Variants in ABCD3 observed in about 807,000 individuals in gnomAD.
ABCD3 encodes the protein ATP binding cassette subfamily D member 3.
ABCD3 carries 41 observed loss-of-function variants against 105.5 expected under a neutral mutation model. That is an observed-to-expected ratio of 0.39 (90% CI 0.30 to 0.50). The LOEUF is 0.50. Among genes scored for constraint, ABCD3 ranks in the 20% least tolerant of loss-of-function variants. The probability of loss-of-function intolerance (pLI) is 0.84; values close to 1 mark genes in which losing one functional copy is unlikely to be tolerated. For missense variants in ABCD3, 622 were observed against 806.3 expected (o/e 0.77, Z 2.77); for synonymous variants, 258 against 269.0 (o/e 0.96, Z 0.40).
At chr1:94,426,583 C>G (rs1251935081) in intron 1 of ABCD3, among the ~76,000 whole-genome samples, 2 of 151,600 alleles carry the variant, frequency 1.3e-5, no homozygotes, top group Admixed American at 1.3e-4. Context: ...TGCTCTGTCA[C>G]CCAGGCTGGA....
At chr1:94,443,202 T>C (rs1162781801) in intron 1 of ABCD3, among the ~76,000 whole-genome samples, 1 of 152,228 alleles carries the variant, frequency 6.6e-6, no homozygotes, top group East Asian at 1.9e-4. Context: ...TTAGTTTGCA[T>C]TTCTCTGATG....
chr1:94,501,875 C>CT (rs4148064), intron 20 of ABCD3, among the ~76,000 whole-genome samples: 56,813 of 146,784 alleles, frequency 0.39, 11,967 homozygotes, highest in Middle Eastern at 0.55. Flanking sequence ...TTTTGTAAAT[C>CT]TTTTTTTTTT....
Position 94,475,215 on chromosome 1 carries a change from A to G in ABCD3, c.478A>G (p.Lys160Glu). Residue 160 changes from lysine (K) to glutamate (E), a missense_variant, in exon 6 of 23, where the codon AAA (lysine) becomes GAA (glutamate). By Grantham distance (56) the Lys-to-Glu change is moderately conservative. Coordinates refer to ENST00000370214, the MANE Select transcript of ABCD3 (RefSeq NM_002858.4). ...LKLCFRVRLT[K>E]YLYEEYLQAF... ...ACTGTGCTTCCGAGTAAGGCTCACT[A>G]AATACCTCTATGAGGAGTATCTTCA... 1 of 1,599,502 alleles carries G rather than the reference A, an allele frequency of 6.3e-7. No homozygotes were observed. Among genetic ancestry groups the G allele is most frequent in the Non-Finnish European group, 8.5e-7 (1 of 1,170,900 alleles).
At chr1:94,416,740 C>T (rs956326193), upstream of ABCD3, among the ~76,000 whole-genome samples, 10 of 152,188 alleles carry the variant, frequency 6.6e-5, no homozygotes, top group African/African-American at 1.9e-4. Flanking sequence ...GTTTTCCCTC[C>T]CCCTTTTTCT....
intron 21 of ABCD3, among the ~76,000 whole-genome samples, chr1:94,511,510 C>T (rs940606411): frequency 1.3e-5 from 2 of 152,054 alleles, no homozygotes; most frequent in Admixed American, 6.6e-5. Context: ...GTGGTGTTCT[C>T]TGTATTTCCT....
intron 4 of ABCD3, among the ~76,000 whole-genome samples, chr1:94,469,015 T>A (rs1345891946): frequency 2.6e-5 from 4 of 152,210 alleles, no homozygotes; most frequent in Non-Finnish European, 4.4e-5. Context: ...ATCAAAGTAA[T>A]ATATGAATGT....
intron 1 of ABCD3, among the ~76,000 whole-genome samples, chr1:94,426,841 A>G (rs1313714897): frequency 7.7e-6 from 1 of 130,120 alleles, no homozygotes; most frequent in East Asian, 2.2e-4. Flanking sequence ...TACCGCGCCC[A>G]GCCTGAATTT....
chr1:94,397,064 T>C, the ABCD3 span, among the ~76,000 whole-genome samples: 1 of 152,246 alleles, frequency 6.6e-6, no homozygotes, highest in African/African-American at 2.4e-5. Flanking sequence ...TTAGACACTT[T>C]TTTTTATTGT....
intron 20 of ABCD3, among the ~76,000 whole-genome samples, chr1:94,502,497 G>GTT (rs34232258): frequency 5.3e-5 from 7 of 131,102 alleles, no homozygotes; most frequent in East Asian, 2.1e-4. Flanking sequence ...TGCCCCCCTA[G>GTT]TTTTTTTTTT....
the ABCD3 span, among the ~76,000 whole-genome samples, chr1:94,398,647 C>A: frequency 6.6e-6 from 1 of 152,198 alleles, no homozygotes; most frequent in East Asian, 1.9e-4. Context: ...GGCACAGTGG[C>A]TCACGCCTGT....
chr1:94,437,599 G>A (rs1659953905), intron 1 of ABCD3, among the ~76,000 whole-genome samples: 1 of 152,226 alleles, frequency 6.6e-6, no homozygotes, highest in South Asian at 2.1e-4. Context: ...TGTACAAGGA[G>A]ATTAATGTTG....
At chr1:94,419,128 TCTATGAAA>T (rs1659150365) in intron 1 of ABCD3, among the ~76,000 whole-genome samples, 1 of 152,192 alleles carries the variant, frequency 6.6e-6, no homozygotes, top group Non-Finnish European at 1.5e-5. Context: ...GAGGGTGGCT[TCTATGAAA>T]CTATTCCCGG....
At chr1:94,419,159 G>C (rs1348231541) in intron 1 of ABCD3, 1 of 383,334 alleles carries the variant, frequency 2.6e-6, no homozygotes, top group African/African-American at 2.2e-5. Flanking sequence ...CACTTGGCAG[G>C]ATTGCCGTCT....
At chr1:94,398,434 T>G in the ABCD3 span, among the ~76,000 whole-genome samples, 1 of 152,216 alleles carries the variant, frequency 6.6e-6, no homozygotes, top group Non-Finnish European at 1.5e-5. Context: ...GAAACATAAG[T>G]AGAATACACT....
In ABCD3 at chr1:94,419,425, A is replaced by G. The variant is rs560177940; in HGVS notation, c.110+837A>G. Reference sequence around the variant, plus strand: ...GGGAGGTTATCAGTTCAGAAAAAGTAAAAAAGAGAGAGCTGAATTACGGTT... The same window carrying G: ...GGGAGGTTATCAGTTCAGAAAAAGTGAAAAAGAGAGAGCTGAATTACGGTT... On this transcript the variant is annotated intron_variant, in intron 1 of 22. Transcript: ENST00000370214. 18 of 892,044 alleles carry G rather than the reference A, an allele frequency of 2.0e-5. No homozygotes were observed. In the African/African-American group the frequency reaches 2.9e-4, roughly 14 times the overall value. The allele number at this position is 892,044 out of a possible 1,614,324, so 55.3% of individuals were successfully genotyped here. A position where few individuals can be genotyped will look rare whatever the true frequency, so the allele number is the denominator to read the frequency against.
At chr1:94,497,941 C>T (rs1290164972) in intron 16 of ABCD3, among the ~76,000 whole-genome samples, 2 of 152,106 alleles carry the variant, frequency 1.3e-5, no homozygotes, top group African/African-American at 2.4e-5. Context: ...AGTTGTAGAA[C>T]AGTCTATAGA....
At chr1:94,496,037 A>G (rs914130087) in intron 16 of ABCD3, among the ~76,000 whole-genome samples, 1 of 152,242 alleles carries the variant, frequency 6.6e-6, no homozygotes, top group African/African-American at 2.4e-5. Context: ...TTTCTTTTAG[A>G]TCAACTATGT....
At chr1:94,488,069 A>G (rs1171031410) in intron 13 of ABCD3, 86 bp downstream of exon 13, 1 of 1,127,012 alleles carries the variant, frequency 8.9e-7, no homozygotes, top group Admixed American at 2.0e-5. Flanking sequence ...AGATTAAGAT[A>G]AGGGGTCAAC....
chr1:94,477,777 T>A (rs1030207591), intron 7 of ABCD3, among the ~76,000 whole-genome samples: 1 of 127,810 alleles, frequency 7.8e-6, no homozygotes, highest in Non-Finnish European at 1.9e-5. Context: ...TTCAATGGCT[T>A]ACTTGATTAT....
Sources: allele counts gnomAD v4.1 joint callset (sites outside exome capture counted in the v4.1 genomes callset), GRCh38; gene constraint gnomAD v4.1.1; transcripts MANE v1.5; gene names NCBI Gene and HGNC (gene_info 2026-07-23, HGNC 2026-07-21).